The following ACE variants were observed in gnomAD, a reference collection of about 807,000 sequenced individuals.
The protein encoded by ACE is angiotensin I converting enzyme.
In ACE, 122 loss-of-function variants were observed where a neutral mutation model predicts 162.3. The observed-to-expected ratio is 0.75, with a 90% CI of 0.65 to 0.87. ACE has a LOEUF of 0.87. Among genes scored for constraint, ACE ranks in the 40% least tolerant of loss-of-function variants. ACE has a pLI of 0.00. For missense variants in ACE, 1,799 were observed against 1,735.1 expected (o/e 1.04, Z -0.65); for synonymous variants, 796 against 720.6 (o/e 1.10, Z -1.68).
chr17:63,478,096 C>G lies in ACE; in HGVS notation c.415C>G (p.Gln139Glu), dbSNP rs750481872. The change falls in exon 2 of 25, where the codon CAG becomes GAG. Residue 139 changes from glutamine (Q) to glutamate (E), a missense_variant and splice_region_variant. By Grantham distance (29) the Gln-to-Glu change is conservative (BLOSUM62 2). Transcript: ENST00000290866. Reference protein sequence around the residue: ...SANLPLAKRQQYNALLSNMSR... With the variant: ...SANLPLAKRQEYNALLSNMSR... ...CAACCTGCCCCTGGCTAAGCGGCAG[C>G]AGGTGGGCTGAGGGCTGAGGCAGAG... is the stretch of plus-strand genomic sequence containing the variant. The G allele has an allele frequency of 3.0e-5, 47 of 1,580,310 alleles. No homozygotes were observed. Among genetic ancestry groups the G allele is most frequent in the Non-Finnish European group, 3.6e-5 (42 of 1,163,300 alleles).
rs2049688363 is a variant in ACE, at chr17:63,480,470, T to C, written c.789T>C (p.His263=). 1.2e-6 allele frequency: 2 copies of C among 1,613,952 alleles called. No individual in the cohort carries two copies. The highest frequency in any genetic ancestry group is 2.2e-5 in the East Asian group (1 of 44,896). ...ATGCCTTCGTCCGCCGCGCACTGCA[T>C]CGCCGATACGGAGACAGATACATCA... ...NLHAFVRRAL[H]RRYGDRYINL... Residue 263 remains histidine (H), a synonymous_variant, in exon 5 of 25, where the codon CAT becomes CAC. Transcript: ENST00000290866.
chr17:63,494,837 A>C (rs1420495704), intron 22 of ACE, among the ~76,000 whole-genome samples: 2 of 152,180 alleles, frequency 1.3e-5, no homozygotes, highest in Non-Finnish European at 2.9e-5. Context: ...CTATTATTGA[A>C]CATTGTCTGC....
Position 63,496,785 on chromosome 17 carries a change from C to T in ACE, c.3504-13C>T, listed in dbSNP as rs201223903. The T allele has an allele frequency of 1.2e-5, 20 of 1,610,860 alleles. No individual in the cohort carries two copies. The East Asian group carries it at 1.3e-4, about 11-fold the overall frequency. On this transcript the variant is annotated splice_polypyrimidine_tract_variant and intron_variant, in intron 23 of 24. Coordinates refer to ENST00000290866, the MANE Select transcript of ACE (RefSeq NM_000789.4). Reference sequence around the variant, plus strand: ...TCCTTCTGACTCTGCCTCCCTGTCTCATGCCTCCCCAGGACCGCCATGAAG... The same window carrying T: ...TCCTTCTGACTCTGCCTCCCTGTCTTATGCCTCCCCAGGACCGCCATGAAG...
At chr17:63,477,453 C>T in intron 1 of ACE, 110 bp downstream of exon 1, 2 of 884,082 alleles carry the variant, frequency 2.3e-6, no homozygotes, top group Non-Finnish European at 2.8e-6. Flanking sequence ...AACCCCACCC[C>T]GACCCCGGAC....
At chr17:63,479,124 T>G (rs2049666238) in intron 3 of ACE, 24 bp downstream of exon 3, 1 of 1,577,682 alleles carries the variant, frequency 6.3e-7, no homozygotes, top group African/African-American at 1.4e-5. Context: ...AGCTCCCCTC[T>G]CGGCGGTGCC....
intron 5 of ACE, among the ~76,000 whole-genome samples, chr17:63,480,867 C>T (rs1248261067): frequency 5.9e-5 from 9 of 152,206 alleles, no homozygotes; most frequent in South Asian, 2.1e-4. Context: ...TGGGGCCTGG[C>T]ACAGCCAGAA....
chr17:63,483,476 A>C lies in ACE; in HGVS notation c.1504A>C (p.Ile502Leu). The change falls in exon 10 of 25, where the codon ATC (isoleucine) becomes CTC (leucine). Residue 502 changes from isoleucine (I) to leucine (L), a missense_variant. Ile to Leu is a conservative substitution (Grantham distance 5). Transcript: ENST00000290866. ...WWYLRTKYQG[I>L]CPPVTRNETH... ...CTTTTCCAGAACCAAGTATCAGGGG[A>C]TCTGTCCTCCTGTTACCCGAAACGA... 1 of 1,613,908 alleles carries C rather than the reference A, an allele frequency of 6.2e-7. No individual in the cohort carries two copies. The highest frequency in any genetic ancestry group is 1.1e-5 in the South Asian group (1 of 91,070).
chr17:63,485,493 A>C, intron 13 of ACE, 121 bp downstream of exon 13: 5 of 1,437,830 alleles, frequency 3.5e-6, no homozygotes, highest in Non-Finnish European at 3.8e-6. Context: ...ACAATACTCA[A>C]TTTCGGGCCG....
chr17:63,478,906 C>A (rs1032503858), intron 2 of ACE, 101 bp from the exon 3 acceptor site: 5 of 1,016,790 alleles, frequency 4.9e-6, no homozygotes, highest in Non-Finnish European at 6.0e-6. Flanking sequence ...TGGCCTTGTC[C>A]AAGCTACATC....
intron 13 of ACE, chr17:63,485,777 A>T (rs1001952367): frequency 4.5e-6 from 1 of 224,612 alleles, no homozygotes; most frequent in African/African-American, 2.3e-5. Flanking sequence ...TCCATCAAAA[A>T]AAAAAAAAAA....
chr17:63,479,584 TGCCTGGGTGTTTCTGTAGCTCCCA>T (rs1298125884), intron 3 of ACE, among the ~76,000 whole-genome samples, 161 bp from the exon 4 acceptor site: 1 of 152,178 alleles, frequency 6.6e-6, no homozygotes, highest in Non-Finnish European at 1.5e-5. Flanking sequence ...GCAGGGGCCC[TGCCTGGGTGTTTCTGTAGCTCCCA>T]GCCCCCTCCC....
chr17:63,485,797 A>G (rs998154514), intron 13 of ACE: 13 of 241,770 alleles, frequency 5.4e-5, no homozygotes, highest in Non-Finnish European at 9.0e-5. Context: ...AAAAAACTCA[A>G]TTTCAGATTT....
chr17:63,483,900 G>A lies in ACE; in HGVS notation c.1638G>A (p.Lys546=). ...LQFQFHEALC[K]EAGYEGPLHQ... ...TCCAGTTCCATGAAGCCCTGTGCAA[G>A]GAGGCAGGCTATGAGGGCCCACTGC... The change falls in exon 11 of 25, where the codon AAG becomes AAA. Residue 546 remains lysine, a synonymous_variant. Transcript: ENST00000290866. 3.1e-6 allele frequency: 5 copies of A among 1,614,168 alleles called. No individual in the cohort carries two copies. Among genetic ancestry groups the A allele is most frequent in the Non-Finnish European group, 4.2e-6 (5 of 1,180,044 alleles).
chr17:63,479,550 A>G (rs1053713329), intron 3 of ACE, among the ~76,000 whole-genome samples: 12 of 152,004 alleles, frequency 7.9e-5, no homozygotes, highest in Non-Finnish European at 1.6e-4. Context: ...GGTGTCAGCC[A>G]CCTTAGGTGG....
In ACE at chr17:63,479,855, C is replaced by A; in HGVS notation, c.598C>A (p.Leu200Met). ...CTGGCACAACGCTGCGGGCATCCCG[C>A]TGAAACCGCTGTACGAGGATTTCAC... ...EGWHNAAGIP[L>M]KPLYEDFTAL... The change falls in exon 4 of 25, where the codon CTG becomes ATG. Residue 200 changes from leucine (L) to methionine (M), a missense_variant. Transcript: ENST00000290866. The A allele has an allele frequency of 6.2e-7, 1 of 1,612,998 alleles. No homozygotes were observed.
At chr17:63,494,308 A>G (rs1031287492) in intron 21 of ACE, 64 bp from the exon 22 acceptor site, 1 of 1,527,462 alleles carries the variant, frequency 6.5e-7, no homozygotes, top group Non-Finnish European at 9.0e-7. Flanking sequence ...CCTCAAGTCA[A>G]AAATGCCACC....
intron 7 of ACE, 144 bp downstream of exon 7, chr17:63,481,882 G>A: frequency 9.5e-7 from 1 of 1,050,282 alleles, no homozygotes; most frequent in Non-Finnish European, 1.4e-6. Context: ...CTGTTCCAGG[G>A]CTAGGGGGTA....
intron 7 of ACE, 116 bp downstream of exon 7, chr17:63,481,854 A>G (rs1599140714): frequency 1.5e-6 from 2 of 1,370,328 alleles, no homozygotes; most frequent in Middle Eastern, 3.7e-4. Context: ...CTACCCCAGC[A>G]CTGGTTGGAG....
chr17:63,494,155 A>AGTGTGT, intron 21 of ACE, 89 bp downstream of exon 21: 1 of 1,495,714 alleles, frequency 6.7e-7, no homozygotes, highest in Non-Finnish European at 9.2e-7. Context: ...AGGGTAGGGG[A>AGTGTGT]GTGTGTGTGT....
Sources: gnomAD v4.1 joint callset for allele counts (sites outside exome capture counted in the v4.1 genomes callset) on GRCh38, gnomAD v4.1.1 for gene constraint, MANE v1.5 for transcripts, NCBI Gene and HGNC (gene_info 2026-07-23, HGNC 2026-07-21) for gene names.